Variants in NAPEPLD observed in about 807,000 individuals in gnomAD.
NAPEPLD encodes the protein N-acyl phosphatidylethanolamine phospholipase D.
Under a neutral mutation model 38.1 loss-of-function variants are expected in NAPEPLD, and 23 were observed. The ratio of observed to expected loss-of-function variants is 0.60; its 90% CI spans 0.43 to 0.86. The LOEUF (loss-of-function observed/expected upper bound fraction) is 0.86, where lower values mean the gene tolerates loss of function less well. NAPEPLD is among the 40% of genes least tolerant of loss of function. The pLI, the probability that NAPEPLD is intolerant of heterozygous loss-of-function variation, is 0.00. For synonymous variants in NAPEPLD, 147 were observed against 162.0 expected (o/e 0.91, Z 0.71); for missense variants, 411 against 476.8 (o/e 0.86, Z 1.28).
chr7:103,134,342 T>C (rs1013354779), intron 1 of NAPEPLD, among the ~76,000 whole-genome samples: 1 of 152,196 alleles, frequency 6.6e-6, no homozygotes, highest in African/African-American at 2.4e-5. Flanking sequence ...GACAATTGTA[T>C]TTTAAATATA....
chr7:103,124,233 T>C (rs927953554), intron 2 of NAPEPLD, among the ~76,000 whole-genome samples: 5 of 151,978 alleles, frequency 3.3e-5, no homozygotes, highest in Non-Finnish European at 5.9e-5. Context: ...CCAAGGTGGG[T>C]GGATCACCTG....
At chr7:103,138,570 A>C (rs920751816) in intron 1 of NAPEPLD, among the ~76,000 whole-genome samples, 15 of 151,110 alleles carry the variant, frequency 9.9e-5, no homozygotes, top group African/African-American at 3.6e-4. Flanking sequence ...CCAGGTTCAA[A>C]CGATTCTCCT....
At chr7:103,149,267 G>A, upstream of NAPEPLD, 1 of 1,031,938 alleles carries the variant, frequency 9.7e-7, no homozygotes, top group Non-Finnish European at 1.2e-6. Flanking sequence ...GAGCGCGGGG[G>A]TGCGGACTCA....
Position 103,103,326 on chromosome 7 carries a change from C to G in NAPEPLD, c.*103G>C, listed in dbSNP as rs1238859150. The G allele has an allele frequency of 7.4e-6, 10 of 1,351,156 alleles. No homozygotes were observed. In the East Asian group the frequency reaches 2.2e-4, roughly 30 times the overall value. 83.7% of individuals were successfully genotyped at this position (1,351,156 alleles called of 1,614,324 possible). On this transcript the variant is annotated 3_prime_UTR_variant, in exon 5 of 5. Transcript: ENST00000465647. ...AACATAAACTTGCAGAAGTTGTTTC[C>G]AAATGTAAAATAATCACAATATTCA... is the stretch of plus-strand genomic sequence containing the variant.
intron 4 of NAPEPLD, among the ~76,000 whole-genome samples, chr7:103,110,358 C>A (rs1487903211): frequency 6.6e-6 from 1 of 152,098 alleles, no homozygotes; most frequent in Non-Finnish European, 1.5e-5. Context: ...AAACTGAACC[C>A]AGCAGCACAT....
chr7:103,099,922 T>C lies in NAPEPLD; in HGVS notation c.*3507A>G, dbSNP rs895560444. 5.3e-5 allele frequency: 8 copies of C among 152,302 alleles called. No homozygotes were observed. In the South Asian group the frequency reaches 6.2e-4, roughly 12 times the overall value. The allele number at this position is 152,302 out of a possible 1,614,324, so 9.4% of individuals were successfully genotyped here. On this transcript the variant is annotated 3_prime_UTR_variant, in exon 5 of 5. Coordinates refer to ENST00000465647, the MANE Select transcript of NAPEPLD (RefSeq NM_001122838.3). Reference sequence around the variant, plus strand: ...ACATCTGGGATTCAGCCAGGTCTTATAGTATTTAAATTTATAACCCCTGCC... The same window carrying C: ...ACATCTGGGATTCAGCCAGGTCTTACAGTATTTAAATTTATAACCCCTGCC...
At chr7:103,123,362 C>T (rs1807093514) in intron 2 of NAPEPLD, among the ~76,000 whole-genome samples, 1 of 152,152 alleles carries the variant, frequency 6.6e-6, no homozygotes. Flanking sequence ...GAATGAATGT[C>T]AACTTTCAAT....
intron 2 of NAPEPLD, among the ~76,000 whole-genome samples, chr7:103,126,603 T>TTTTTTG (rs1563360146): frequency 6.7e-6 from 1 of 150,132 alleles, no homozygotes; most frequent in Non-Finnish European, 1.5e-5. Flanking sequence ...AATGCAATTT[T>TTTTTTG]TTTTGTTTTG....
At chr7:103,128,164 CA>C in intron 2 of NAPEPLD, 1 of 318,896 alleles carries the variant, frequency 3.1e-6, no homozygotes, top group Non-Finnish European at 5.7e-6. Context: ...AAATCACTGT[CA>C]AAATACTTTT....
chr7:103,148,192 AT>A, intron 1 of NAPEPLD: 1 of 750,398 alleles, frequency 1.3e-6, no homozygotes. Context: ...CATCTCAGGA[AT>A]GACTTCCTGG....
intron 4 of NAPEPLD, among the ~76,000 whole-genome samples, chr7:103,110,834 C>A (rs1009499512): frequency 1.3e-5 from 2 of 152,154 alleles, no homozygotes; most frequent in Non-Finnish European, 2.9e-5. Context: ...AGAAACCCAT[C>A]ATCTCAACCC....
At chr7:103,126,715 T>G (rs964495428) in intron 2 of NAPEPLD, 1 of 151,916 alleles carries the variant, frequency 6.6e-6, no homozygotes, top group African/African-American at 2.4e-5. Flanking sequence ...CAGGTGATTC[T>G]CCTGCCTCAG....
chr7:103,129,279 C>G, intron 1 of NAPEPLD: 1 of 979,118 alleles, frequency 1.0e-6, no homozygotes, highest in Non-Finnish European at 1.2e-6. Flanking sequence ...AGGATGTTTG[C>G]TTTACCTATT....
intron 3 of NAPEPLD, among the ~76,000 whole-genome samples, chr7:103,115,661 T>C (rs1805417260): frequency 6.6e-6 from 1 of 152,278 alleles, no homozygotes; most frequent in East Asian, 1.9e-4. Context: ...AAACGAAATA[T>C]AATTCAACGG....
chr7:103,105,775 A>T (rs1053759363), intron 4 of NAPEPLD, among the ~76,000 whole-genome samples: 1 of 152,134 alleles, frequency 6.6e-6, no homozygotes, highest in Non-Finnish European at 1.5e-5. Context: ...TCTACTAAAA[A>T]TACAAAAATT....
intron 2 of NAPEPLD, among the ~76,000 whole-genome samples, chr7:103,122,715 C>A (rs866579623): frequency 8.5e-5 from 13 of 152,226 alleles, no homozygotes; most frequent in South Asian, 8.3e-4. Context: ...AAGTTCCAAC[C>A]CTGACAACAA....
intron 1 of NAPEPLD, among the ~76,000 whole-genome samples, chr7:103,131,678 C>G (rs963918629): frequency 4.7e-5 from 7 of 149,570 alleles, no homozygotes; most frequent in African/African-American, 1.7e-4. Context: ...AAAAAAAAAG[C>G]AAGGAAGGTT....
intron 2 of NAPEPLD, among the ~76,000 whole-genome samples, chr7:103,125,357 A>C (rs1051853929): frequency 6.6e-6 from 1 of 152,240 alleles, no homozygotes; most frequent in African/African-American, 2.4e-5. Context: ...CTCCTTGATT[A>C]TAAGAGAAAA....
chr7:103,121,904 T>C (rs1806777350), intron 2 of NAPEPLD, among the ~76,000 whole-genome samples: 1 of 151,876 alleles, frequency 6.6e-6, no homozygotes, highest in Admixed American at 6.6e-5. Context: ...CTTGTGTGAG[T>C]TCCTGAAGAA....
Sources: gnomAD v4.1 joint callset for allele counts (sites outside exome capture counted in the v4.1 genomes callset) on GRCh38, gnomAD v4.1.1 for gene constraint, MANE v1.5 for transcripts, NCBI Gene and HGNC (gene_info 2026-07-23, HGNC 2026-07-21) for gene names.